Variants in CDC27 observed in about 807,000 individuals in gnomAD.
CDC27 encodes the protein cell division cycle protein 27 homolog.
In CDC27, 27 loss-of-function variants were observed where a neutral mutation model predicts 109.7. That is an observed-to-expected ratio of 0.25 (90% CI 0.18 to 0.34). CDC27 has a LOEUF of 0.34. Ranked by LOEUF, CDC27 falls within the 10% of genes least tolerant of loss-of-function variation. The probability of loss-of-function intolerance (pLI) is 1.00; values close to 1 mark genes in which losing one functional copy is unlikely to be tolerated. For missense variants in CDC27, 579 were observed against 960.2 expected (o/e 0.60, Z 5.25); for synonymous variants, 266 against 333.9 (o/e 0.80, Z 2.22).
intron 1 of CDC27, among the ~76,000 whole-genome samples, chr17:47,188,236 T>C (rs1223591819): frequency 6.6e-6 from 1 of 152,100 alleles, no homozygotes; most frequent in Non-Finnish European, 1.5e-5. Flanking sequence ...AAAGATCATA[T>C]AGTGGGATGA....
At position 47,157,287 on chromosome 17, in the gene CDC27, A is replaced by G; in HGVS notation, c.573T>C (p.His191=). 5 of 1,613,042 alleles carry G rather than the reference A, an allele frequency of 3.1e-6. No homozygotes were observed. Among genetic ancestry groups the G allele is most frequent in the Non-Finnish European group, 4.2e-6 (5 of 1,179,430 alleles). The change falls in exon 6 of 19, where the codon CAT becomes CAC. Residue 191 remains histidine (H), a synonymous_variant. Coordinates refer to ENST00000066544, the MANE Select transcript of CDC27 (RefSeq NM_001256.6). ...TCTCAGGCTGTCTGTGAGATAAACT[A>G]TGATTAGGTACTTGTGTTGTGCAAG... is the stretch of plus-strand genomic sequence containing the variant. The part of the protein sequence containing the change: ...PNSCTTQVPN[H]SLSHRQPETV...
chr17:47,142,587 C>T (rs2062829278), intron 10 of CDC27, 151 bp from the exon 11 acceptor site: 1 of 494,306 alleles, frequency 2.0e-6, no homozygotes, highest in Non-Finnish European at 3.5e-6. Context: ...CAAAGGTCTT[C>T]AAAGTCATTT....
At chr17:47,128,091 C>T (rs1258983718) in intron 16 of CDC27, among the ~76,000 whole-genome samples, 1 of 151,836 alleles carries the variant, frequency 6.6e-6, no homozygotes, top group Non-Finnish European at 1.5e-5. Flanking sequence ...AATGCAGTGG[C>T]GTAATCTTGG....
At chr17:47,131,498 A>C (rs2062330708) in intron 15 of CDC27, among the ~76,000 whole-genome samples, 1 of 152,040 alleles carries the variant, frequency 6.6e-6, no homozygotes, top group Non-Finnish European at 1.5e-5. Context: ...CACAAAAGCT[A>C]AACTTGCTAG....
At chr17:47,130,051 T>C (rs2062272146) in intron 15 of CDC27, among the ~76,000 whole-genome samples, 1 of 152,122 alleles carries the variant, frequency 6.6e-6, no homozygotes, top group African/African-American at 2.4e-5. Context: ...TTCAATATTT[T>C]AGGAATTTAT....
chr17:47,160,802 T>C (rs1437874923), intron 4 of CDC27, among the ~76,000 whole-genome samples: 1 of 152,160 alleles, frequency 6.6e-6, no homozygotes, highest in Non-Finnish European at 1.5e-5. Flanking sequence ...CTCAGAGAAC[T>C]ATGAAGAAGG....
intron 9 of CDC27, among the ~76,000 whole-genome samples, chr17:47,147,432 A>C (rs370544866): frequency 0.021 from 1,716 of 81,992 alleles, 36 homozygotes; most frequent in African/African-American, 0.055. Context: ...AACAAACAAA[A>C]AAAAAAACAC....
rs1472919587 is a variant in CDC27 at position 47,133,080 on chromosome 17, CACACAA to C, written c.1914-712_1914-707del. The stretch of plus-strand genomic sequence containing the variant: ...ATACATATACACACACACACACACA[CACACAA>C]ACACACACACACAAATATACATATA... On this transcript the variant is annotated intron_variant, in intron 14 of 18. Transcript: ENST00000066544. Among the ~76,000 whole-genome samples the C allele has an allele frequency of 5.4e-5, 4 of 73,816 alleles. No individual in the cohort carries two copies. The East Asian group carries it at 1.9e-3, about 34-fold the overall frequency. 48.4% of individuals were successfully genotyped at this position (73,816 alleles called of 152,430 possible).
chr17:47,133,442 TTTTG>T (rs2062458278), intron 14 of CDC27, among the ~76,000 whole-genome samples: 1 of 143,474 alleles, frequency 7.0e-6, no homozygotes, highest in African/African-American at 2.6e-5. Context: ...CAAGCTGTTT[TTTTG>T]TTTTTTTTTT....
chr17:47,122,370 T>C (rs928910860), intron 18 of CDC27, 74 bp downstream of exon 18: 2 of 1,064,320 alleles, frequency 1.9e-6, no homozygotes, highest in African/African-American at 3.2e-5. Flanking sequence ...AAAAATAAAA[T>C]AAAAGAGTAG....
chr17:47,123,402 C>CTTTTTTTTTTTTT (rs57868315), intron 17 of CDC27, among the ~76,000 whole-genome samples: 3 of 123,000 alleles, frequency 2.4e-5, no homozygotes, highest in Non-Finnish European at 3.3e-5. Flanking sequence ...TTTTTTTCTA[C>CTTTTTTTTTTTTT]TTTTTTTTTT....
chr17:47,127,142 G>C (rs930576330), intron 16 of CDC27, among the ~76,000 whole-genome samples: 1 of 152,128 alleles, frequency 6.6e-6, no homozygotes, highest in Non-Finnish European at 1.5e-5. Flanking sequence ...AATTAGCTGA[G>C]CATGGTGGCT....
In CDC27 at chr17:47,188,842, AC is replaced by A. The variant is rs2064555750; in HGVS notation, c.27+303del. ...GTGCATTTTCGGCCCCTCATCTCCC[AC>A]CCCCAGTCAAGCCAGGCCCCTGGAC... On this transcript the variant is annotated intron_variant, in intron 1 of 18. Transcript: ENST00000066544. 9 of 1,277,776 alleles carry A rather than the reference AC, an allele frequency of 7.0e-6. No individual in the cohort carries two copies. The South Asian group carries it at 1.8e-4, about 26-fold the overall frequency. The allele number at this position is 1,277,776 out of a possible 1,614,324, so 79.2% of individuals were successfully genotyped here. A position where few individuals can be genotyped will look rare whatever the true frequency, so the allele number is the denominator to read the frequency against.
intron 12 of CDC27, 26 bp downstream of exon 12, chr17:47,141,827 C>T: frequency 6.9e-7 from 1 of 1,441,114 alleles, no homozygotes; most frequent in Non-Finnish European, 9.4e-7. Context: ...TCTAGAAAGG[C>T]ATATATAACC....
Position 47,120,876 on chromosome 17 carries a change from G to T in CDC27, c.*59C>A. 2 of 1,224,930 alleles carry T rather than the reference G, an allele frequency of 1.6e-6. No homozygotes were observed. The highest frequency in any genetic ancestry group is 2.4e-6 in the Non-Finnish European group (2 of 834,674). The allele number at this position is 1,224,930 out of a possible 1,614,324, so 75.9% of individuals were successfully genotyped here. On this transcript the variant is annotated 3_prime_UTR_variant, in exon 19 of 19. Coordinates refer to ENST00000066544, the MANE Select transcript of CDC27 (RefSeq NM_001256.6). ...AGAGTAAAGACTCAGTATACAGAGG[G>T]ACAAGAAACACGTCAGCACTAGTCA...
At chr17:47,171,825 A>C (rs2063820070) in intron 3 of CDC27, 92 bp downstream of exon 3, 9 of 787,484 alleles carry the variant, frequency 1.1e-5, no homozygotes, top group Non-Finnish European at 1.6e-5. Flanking sequence ...AACAGGGAAG[A>C]AAGGGAATCA....
intron 2 of CDC27, chr17:47,181,311 GA>G (rs575218423): frequency 8.9e-5 from 17 of 190,852 alleles, no homozygotes; most frequent in Non-Finnish European, 1.4e-4. Context: ...AACCCTGGGG[GA>G]AAAAAAAACC....
chr17:47,142,103 C>A, intron 11 of CDC27, 78 bp from the exon 12 acceptor site: 1 of 1,219,664 alleles, frequency 8.2e-7, no homozygotes, highest in Non-Finnish European at 1.1e-6. Context: ...TAATTACAAA[C>A]TAATCTATTA....
Position 47,118,564 on chromosome 17 carries a change from A to G in CDC27, c.*2371T>C, listed in dbSNP as rs112979490. The G allele has an allele frequency of 2.1e-4, 32 of 152,774 alleles. No individual in the cohort carries two copies. Among genetic ancestry groups the G allele is most frequent in the African/African-American group, 7.2e-4 (30 of 41,580 alleles). 9.5% of individuals were successfully genotyped at this position (152,774 alleles called of 1,614,324 possible). A position where few individuals can be genotyped will look rare whatever the true frequency, so the allele number is the denominator to read the frequency against. ...TGCCATAAAAGTCATGGCAAAAACC[A>G]CAATTACTTATGCACCAACCTAATA... On this transcript the variant is annotated 3_prime_UTR_variant, in exon 19 of 19. Transcript: ENST00000066544.
Sources: gnomAD v4.1 joint callset for allele counts (sites outside exome capture counted in the v4.1 genomes callset) on GRCh38, gnomAD v4.1.1 for gene constraint, MANE v1.5 for transcripts, NCBI Gene and HGNC (gene_info 2026-07-23, HGNC 2026-07-21) for gene names.